Variants in ARMC8 observed in about 807,000 individuals in gnomAD.
ARMC8 encodes armadillo repeat-containing protein 8.
ARMC8 carries 20 observed loss-of-function variants against 99.3 expected under a neutral mutation model. The ratio of observed to expected loss-of-function variants is 0.20; its 90% CI spans 0.14 to 0.29. The LOEUF (loss-of-function observed/expected upper bound fraction) is 0.29. ARMC8 is among the 10% of genes least tolerant of loss of function. The probability of loss-of-function intolerance (pLI) is 1.00; values close to 1 mark genes in which losing one functional copy is unlikely to be tolerated. For synonymous variants in ARMC8, 263 were observed against 278.3 expected (o/e 0.95, Z 0.55); for missense variants, 569 against 809.5 (o/e 0.70, Z 3.60).
intron 21 of ARMC8, among the ~76,000 whole-genome samples, chr3:138,293,410 G>A (rs531948151): frequency 2.5e-4 from 38 of 152,220 alleles, no homozygotes; most frequent in African/African-American, 8.7e-4. Flanking sequence ...ATGGTAGTAC[G>A]TGCCTGTAGT....
chr3:138,248,575 G>A (rs759202102), intron 12 of ARMC8, among the ~76,000 whole-genome samples: 11 of 152,222 alleles, frequency 7.2e-5, no homozygotes, highest in Non-Finnish European at 1.3e-4. Context: ...TCCCCAGTCA[G>A]TGATTAAGTC....
chr3:138,227,447 T>G (rs187888278), intron 5 of ARMC8, among the ~76,000 whole-genome samples: 64 of 152,346 alleles, frequency 4.2e-4, no homozygotes, highest in Middle Eastern at 6.8e-3. Flanking sequence ...ACTTGACATT[T>G]TCCTTTTCTT....
chr3:138,194,066 G>A (rs1249503434), intron 1 of ARMC8, among the ~76,000 whole-genome samples: 2 of 146,714 alleles, frequency 1.4e-5, no homozygotes, highest in Non-Finnish European at 1.5e-5. Context: ...TTTTTGAGAC[G>A]GCGTCTCGCT....
intron 12 of ARMC8, among the ~76,000 whole-genome samples, chr3:138,248,084 G>A (rs1017344264): frequency 2.0e-5 from 3 of 152,112 alleles, no homozygotes. Context: ...TTATTGTGGT[G>A]TCCTGTCAGC....
At position 138,266,868 on chromosome 3, in the gene ARMC8, A is replaced by G. The variant is rs776606694; in HGVS notation, c.1300-287A>G. Among the ~76,000 whole-genome samples the G allele has an allele frequency of 7.9e-5, 12 of 152,270 alleles. No individual in the cohort carries two copies. In the South Asian group the frequency reaches 2.3e-3, roughly 29 times the overall value. ...CAGAGCAGTCCCTTGGCCTTCAAGC[A>G]TTTCACATAAGAGTATCTTCCCCTG... On this transcript the variant is annotated intron_variant, in intron 14 of 21. Coordinates refer to ENST00000469044, the MANE Select transcript of ARMC8 (RefSeq NM_001363941.2).
Position 138,298,121 on chromosome 3 carries a change from GA to G in ARMC8, c.*2231del, listed in dbSNP as rs969361652. On this transcript the variant is annotated 3_prime_UTR_variant, in exon 22 of 22. Coordinates refer to ENST00000469044, the MANE Select transcript of ARMC8 (RefSeq NM_001363941.2). Reference sequence around the variant, plus strand: ...GCAGGTGCAGTGTTCAGTCAGCAAGGAAGTGGGAAGAGTGGACATGGTATTG... The same window carrying G: ...GCAGGTGCAGTGTTCAGTCAGCAAGGAGTGGGAAGAGTGGACATGGTATTG... 1.3e-5 allele frequency: 2 copies of G among 152,254 alleles called. No individual in the cohort carries two copies. The highest frequency in any genetic ancestry group is 4.8e-5 in the African/African-American group (2 of 41,470). The allele number at this position is 152,254 out of a possible 1,614,324, so 9.4% of individuals were successfully genotyped here. A position where few individuals can be genotyped will look rare whatever the true frequency, so the allele number is the denominator to read the frequency against.
intron 19 of ARMC8, 71 bp from the exon 20 acceptor site, chr3:138,288,977 G>GT (rs1560055971): frequency 1.1e-5 from 14 of 1,283,008 alleles, no homozygotes; most frequent in African/African-American, 1.5e-5. Context: ...GCTATGGTAG[G>GT]TCCCCCCAAA....
At chr3:138,223,765 A>T in intron 5 of ARMC8, 32 bp downstream of exon 5, 1 of 1,550,838 alleles carries the variant, frequency 6.4e-7, no homozygotes. Flanking sequence ...GACATTAGTT[A>T]CATTTCACCA....
chr3:138,269,975 A>C, intron 15 of ARMC8, 65 bp from the exon 16 acceptor site: 1 of 1,072,260 alleles, frequency 9.3e-7, no homozygotes, highest in Non-Finnish European at 1.4e-6. Flanking sequence ...GCCAAGGTAT[A>C]TGCATGTTTA....
chr3:138,216,472 T>C (rs1348634865), intron 2 of ARMC8, among the ~76,000 whole-genome samples: 2 of 152,200 alleles, frequency 1.3e-5, no homozygotes, highest in Admixed American at 1.3e-4. Context: ...ATAACTTTAG[T>C]TGGAATATGA....
intron 12 of ARMC8, among the ~76,000 whole-genome samples, chr3:138,260,361 A>C (rs2047642012): frequency 6.6e-6 from 1 of 152,194 alleles, no homozygotes; most frequent in East Asian, 1.9e-4. Context: ...GTATCTCCTC[A>C]TTTTACTGAA....
At chr3:138,268,872 G>A (rs1364163350) in intron 15 of ARMC8, among the ~76,000 whole-genome samples, 1 of 152,128 alleles carries the variant, frequency 6.6e-6, no homozygotes, top group Non-Finnish European at 1.5e-5. Context: ...CAAAATTAGA[G>A]TATGGGCTAT....
chr3:138,195,661 G>T (rs190592645), intron 1 of ARMC8, among the ~76,000 whole-genome samples: 29 of 152,126 alleles, frequency 1.9e-4, no homozygotes, highest in African/African-American at 7.0e-4. Flanking sequence ...CATCTGTCCT[G>T]TTGGCTTCTG....
chr3:138,293,196 C>T (rs2108397748), intron 21 of ARMC8, among the ~76,000 whole-genome samples: 1 of 152,306 alleles, frequency 6.6e-6, no homozygotes, highest in South Asian at 2.1e-4. Context: ...GTGAAGCACA[C>T]AGGACAGGCT....
intron 11 of ARMC8, among the ~76,000 whole-genome samples, chr3:138,243,504 T>C (rs1277361642): frequency 2.0e-5 from 3 of 152,242 alleles, no homozygotes; most frequent in Non-Finnish European, 4.4e-5. Context: ...GTTAAGACTT[T>C]AAGAGTAGAT....
intron 18 of ARMC8, among the ~76,000 whole-genome samples, chr3:138,275,413 G>A (rs1159923490): frequency 1.3e-5 from 2 of 152,190 alleles, no homozygotes; most frequent in Non-Finnish European, 2.9e-5. Context: ...CAAAAAATTA[G>A]CCAGGCGCGG....
intron 4 of ARMC8, 31 bp downstream of exon 4, chr3:138,223,562 A>G: frequency 6.2e-7 from 1 of 1,614,002 alleles, no homozygotes; most frequent in Admixed American, 1.7e-5. Context: ...TGCTCAATTA[A>G]GGTTAAGAAT....
At chr3:138,202,891 A>G (rs952063909) in intron 1 of ARMC8, among the ~76,000 whole-genome samples, 43 of 152,320 alleles carry the variant, frequency 2.8e-4, no homozygotes, top group Middle Eastern at 3.4e-3. Flanking sequence ...ACTTGAGTTG[A>G]ACACTTATTT....
At chr3:138,228,866 C>A in intron 5 of ARMC8, 52 bp from the exon 6 acceptor site, 2 of 1,065,358 alleles carry the variant, frequency 1.9e-6, no homozygotes, top group South Asian at 1.3e-5. Flanking sequence ...TATATTTTAT[C>A]AAATGTACTC....
Sources: allele counts gnomAD v4.1 joint callset (sites outside exome capture counted in the v4.1 genomes callset), GRCh38; gene constraint gnomAD v4.1.1; transcripts MANE v1.5; gene names NCBI Gene and HGNC (gene_info 2026-07-23, HGNC 2026-07-21).